Variants in SYN3 observed in about 807,000 individuals in gnomAD.
SYN3 encodes the protein synapsin III.
In SYN3, 35 loss-of-function variants were observed where a neutral mutation model predicts 65.8. That is an observed-to-expected ratio of 0.53 (90% CI 0.41 to 0.70). SYN3 has a LOEUF of 0.70. Ranked by LOEUF, SYN3 falls within the 30% of genes least tolerant of loss-of-function variation. The probability of loss-of-function intolerance (pLI) is 0.00; values close to 1 mark genes in which losing one functional copy is unlikely to be tolerated. For missense variants in SYN3, 680 were observed against 749.0 expected (o/e 0.91, Z 1.08); for synonymous variants, 270 against 292.9 (o/e 0.92, Z 0.80).
At chr22:32,522,081 CAT>C (rs1352653594) in intron 12 of SYN3, among the ~76,000 whole-genome samples, 4 of 152,136 alleles carry the variant, frequency 2.6e-5, no homozygotes, top group Non-Finnish European at 5.9e-5. Context: ...AAAATATTAA[CAT>C]ATATAGAAAG....
At chr22:32,855,610 G>A (rs1304790559) in intron 6 of SYN3, among the ~76,000 whole-genome samples, 1 of 152,172 alleles carries the variant, frequency 6.6e-6, no homozygotes, top group African/African-American at 2.4e-5. Context: ...TTGTCATGGT[G>A]ATTCGTGGGC....
intron 4 of SYN3, among the ~76,000 whole-genome samples, chr22:32,896,981 A>G (rs2049610237): frequency 6.6e-6 from 1 of 152,156 alleles, no homozygotes; most frequent in African/African-American, 2.4e-5. Context: ...CCTGGTCTCC[A>G]GAAAAGGACT....
At chr22:32,969,037 C>T (rs780101626) in intron 3 of SYN3, among the ~76,000 whole-genome samples, 6 of 152,192 alleles carry the variant, frequency 3.9e-5, no homozygotes, top group Admixed American at 6.5e-5. Flanking sequence ...CCACTGGAGT[C>T]TCATTTATCA....
intron 9 of SYN3, among the ~76,000 whole-genome samples, chr22:32,535,453 C>T (rs5998531): frequency 0.096 from 14,647 of 152,132 alleles, 1,332 homozygotes; most frequent in African/African-American, 0.24. Context: ...GATTCTGATA[C>T]GTGGCCACGT....
chr22:32,977,741 CA>C lies in SYN3; in HGVS notation c.369+2903del, dbSNP rs35038035. Among the ~76,000 whole-genome samples, 610 of 89,786 alleles carry C rather than the reference CA, an allele frequency of 6.8e-3. 2 individuals carry two copies. The highest frequency in any genetic ancestry group is 0.05 in the East Asian group (132 of 2,630). The allele number at this position is 89,786 out of a possible 152,430, so 58.9% of individuals were successfully genotyped here. A position where few individuals can be genotyped will look rare whatever the true frequency, so the allele number is the denominator to read the frequency against. ...CCTGGCGACAGGGTGAGACTGTCTC[CA>C]AAAAAAAAAAAAAAAAGAAGCGGTG... On this transcript the variant is annotated intron_variant, in intron 3 of 13. Coordinates refer to ENST00000358763, the MANE Select transcript of SYN3 (RefSeq NM_003490.4).
At chr22:32,849,400 T>C (rs1405998052) in intron 6 of SYN3, 1 of 1,547,864 alleles carries the variant, frequency 6.5e-7, no homozygotes, top group East Asian at 2.3e-5. Flanking sequence ...ATGCTGTTCC[T>C]GATGTGGTTC....
chr22:32,530,213 T>C (rs2058046571), intron 10 of SYN3: 1 of 152,220 alleles, frequency 6.6e-6, no homozygotes, highest in African/African-American at 2.4e-5. Flanking sequence ...GCCCTTGTGA[T>C]AAGCCCGGCT....
chr22:33,048,819 T>C (rs191251074), intron 1 of SYN3, among the ~76,000 whole-genome samples: 79 of 152,272 alleles, frequency 5.2e-4, no homozygotes, highest in Non-Finnish European at 4.4e-5. Context: ...TATGAAGGTA[T>C]TAGAGGCTGT....
intron 3 of SYN3, among the ~76,000 whole-genome samples, chr22:32,935,534 T>G (rs916363921): frequency 1.4e-5 from 2 of 145,542 alleles, no homozygotes; most frequent in Non-Finnish European, 3.0e-5. Context: ...CACTGCCACC[T>G]CCACCTCCCA....
At chr22:32,713,557 G>A (rs577782615) in intron 6 of SYN3, among the ~76,000 whole-genome samples, 4 of 152,276 alleles carry the variant, frequency 2.6e-5, no homozygotes, top group South Asian at 2.1e-4. Context: ...CCGGCTGGGC[G>A]CGGTGGCTCA....
At chr22:32,533,960 G>A in intron 9 of SYN3, 65 bp from the exon 10 acceptor site, 2 of 1,110,116 alleles carry the variant, frequency 1.8e-6, no homozygotes, top group Non-Finnish European at 2.7e-6. Context: ...TAGAGGGAGA[G>A]AAGTGGATTC....
intron 6 of SYN3, among the ~76,000 whole-genome samples, chr22:32,657,320 T>C (rs764770833): frequency 2.6e-5 from 4 of 152,030 alleles, no homozygotes; most frequent in Non-Finnish European, 4.4e-5. Flanking sequence ...AGACGGGGTT[T>C]CACCATGTTA....
At chr22:32,724,987 G>A (rs2061170071) in intron 6 of SYN3, among the ~76,000 whole-genome samples, 1 of 152,186 alleles carries the variant, frequency 6.6e-6, no homozygotes, top group Non-Finnish European at 1.5e-5. Context: ...AAGTGTGGTG[G>A]TGCACACCTG....
At chr22:32,668,396 C>CTCT (rs1312407360) in intron 6 of SYN3, among the ~76,000 whole-genome samples, 1 of 149,412 alleles carries the variant, frequency 6.7e-6, no homozygotes, top group Non-Finnish European at 1.5e-5. Flanking sequence ...TCTCTTTCCC[C>CTCT]TCTTCCTGTG....
rs183315095 is a variant in SYN3, at chr22:32,866,781, C to T, written c.622-1777G>A. 2.9e-3 allele frequency among the ~76,000 whole-genome samples: 446 copies of T among 152,104 alleles called. 9 individuals carry two copies. The highest frequency in any genetic ancestry group is 0.027 in the Admixed American group (409 of 15,286). On this transcript the variant is annotated intron_variant, in intron 5 of 13. Transcript: ENST00000358763. ...CAGTTAGGGCAGAATGAGAAGGAGACCAGGGCCATGACAATAGTGGTAAAT... is the reference window on the plus strand; with the variant it reads ...CAGTTAGGGCAGAATGAGAAGGAGATCAGGGCCATGACAATAGTGGTAAAT...
intron 12 of SYN3, among the ~76,000 whole-genome samples, chr22:32,524,759 C>G (rs1698514111): frequency 6.6e-6 from 1 of 152,112 alleles, no homozygotes; most frequent in Non-Finnish European, 1.5e-5. Context: ...GCCTGTAATC[C>G]CAGCACTTTG....
chr22:32,968,479 C>T (rs2051916012), intron 3 of SYN3, among the ~76,000 whole-genome samples: 2 of 152,204 alleles, frequency 1.3e-5, no homozygotes, highest in Admixed American at 1.3e-4. Flanking sequence ...TCAATACATA[C>T]ATCCTGCCTC....
At chr22:32,864,626 T>C (rs1206254559) in intron 6 of SYN3, 1 of 249,206 alleles carries the variant, frequency 4.0e-6, no homozygotes, top group Non-Finnish European at 7.8e-6. Flanking sequence ...AATCAGCCTC[T>C]GGTTCTAACA....
intron 6 of SYN3, among the ~76,000 whole-genome samples, chr22:32,754,699 C>T (rs895081155): frequency 2.0e-5 from 3 of 152,252 alleles, no homozygotes; most frequent in Admixed American, 1.3e-4. Context: ...GTTCCCTGAG[C>T]ATACCATACA....
Sources: allele counts gnomAD v4.1 joint callset (sites outside exome capture counted in the v4.1 genomes callset), GRCh38; gene constraint gnomAD v4.1.1; transcripts MANE v1.5; gene names NCBI Gene and HGNC (gene_info 2026-07-23, HGNC 2026-07-21).